PFDN1: variants seen among roughly 807,000 people sequenced by gnomAD.
The protein encoded by PFDN1 is prefoldin subunit 1.
Under a neutral mutation model 17.3 loss-of-function variants are expected in PFDN1, and 6 were observed. The ratio of observed to expected loss-of-function variants is 0.35; its 90% CI spans 0.19 to 0.69. The LOEUF is 0.69. PFDN1 is among the 30% of genes least tolerant of loss of function. PFDN1 has a pLI of 0.65. For synonymous variants in PFDN1, 58 were observed against 50.1 expected (o/e 1.16, Z -0.67); for missense variants, 113 against 146.2 (o/e 0.77, Z 1.17).
chr5:140,286,084 AGTTAGT>A (rs1342457339), intron 2 of PFDN1, among the ~76,000 whole-genome samples: 1 of 152,092 alleles, frequency 6.6e-6, no homozygotes, highest in Admixed American at 6.5e-5. Flanking sequence ...CAATATAGTA[AGTTAGT>A]AAGTAAGTAA....
In PFDN1 at chr5:140,254,857, C is replaced by T. The variant is rs1764963977; in HGVS notation, c.286-8800G>A. On this transcript the variant is annotated intron_variant, in intron 3 of 3. Transcript: ENST00000261813. The surrounding 1 kb of genome is among the most constrained non-coding windows in gnomAD (Gnocchi z 4.4). ...CCTACCCAGCTTTGCTTATATAGTC[C>T]ATCATTTATATTTATTCTCCTTATA... Among the ~76,000 whole-genome samples, 1 of 152,128 alleles carries T rather than the reference C, an allele frequency of 6.6e-6. No homozygotes were observed. Among genetic ancestry groups the T allele is most frequent in the Non-Finnish European group, 1.5e-5 (1 of 68,020 alleles).
rs190368847 is a variant in PFDN1, at chr5:140,270,783, G to A, written c.285+10666C>T. Among the ~76,000 whole-genome samples, 40 of 151,984 alleles carry A rather than the reference G, an allele frequency of 2.6e-4. 1 individual carries two copies. Among genetic ancestry groups the A allele is most frequent in the Middle Eastern group, 3.4e-3 (1 of 294 alleles). The stretch of plus-strand genomic sequence containing the variant: ...TTCTAAAAATACAAAAAAATTAGCC[G>A]GGCGTGGTGGCGGGCGCCTGTAGTC... On this transcript the variant is annotated intron_variant, in intron 3 of 3. Coordinates refer to ENST00000261813, the MANE Select transcript of PFDN1 (RefSeq NM_002622.5).
chr5:140,292,174 C>T (rs915128214), intron 2 of PFDN1, among the ~76,000 whole-genome samples: 1 of 152,120 alleles, frequency 6.6e-6, no homozygotes, highest in Non-Finnish European at 1.5e-5. Flanking sequence ...CTTCATCAAA[C>T]CCCAAACATT....
chr5:140,300,401 A>C lies in PFDN1; in HGVS notation c.200+15T>G. 1 of 1,564,240 alleles carries C rather than the reference A, an allele frequency of 6.4e-7. No homozygotes were observed. The highest frequency in any genetic ancestry group is 8.8e-7 in the Non-Finnish European group (1 of 1,141,366). On this transcript the variant is annotated intron_variant, in intron 2 of 3. Transcript: ENST00000261813. ...CACTCCCAAAATAACTCCATTAAGG[A>C]CACATTTTACTTACATTCTTCCTAC...
At chr5:140,297,979 A>G (rs562013171) in intron 2 of PFDN1, among the ~76,000 whole-genome samples, 1 of 152,340 alleles carries the variant, frequency 6.6e-6, no homozygotes, top group East Asian at 1.9e-4. Flanking sequence ...AGACCTAAGG[A>G]TATTCACATT....
At position 140,254,697 on chromosome 5, in the gene PFDN1, T is replaced by TC. The variant is rs2126679450; in HGVS notation, c.286-8641dup. Among the ~76,000 whole-genome samples, 1 of 152,310 alleles carries TC rather than the reference T, an allele frequency of 6.6e-6. No individual in the cohort carries two copies. Among genetic ancestry groups the TC allele is most frequent in the Non-Finnish European group, 1.5e-5 (1 of 68,024 alleles). On this transcript the variant is annotated intron_variant, in intron 3 of 3. Transcript: ENST00000261813. The surrounding 1 kb of genome is among the most constrained non-coding windows in gnomAD (Gnocchi z 4.4). ...TTGTCAACACTAGAAGCTGCACACC[T>TC]CTGAAGTGTCCATTTCACCACCACT...
Position 140,254,168 on chromosome 5 carries a change from G to A in PFDN1, c.286-8111C>T, listed in dbSNP as rs559265704. Among the ~76,000 whole-genome samples, 6 of 152,318 alleles carry A rather than the reference G, an allele frequency of 3.9e-5. No individual in the cohort carries two copies. In the East Asian group the frequency reaches 1.2e-3, roughly 29 times the overall value. ...TGTGTAAACAAATGGGTGTGGTGCA[G>A]ATGAATGGGCACGGCTATGTTTCGA... On this transcript the variant is annotated intron_variant, in intron 3 of 3. Coordinates refer to ENST00000261813, the MANE Select transcript of PFDN1 (RefSeq NM_002622.5). The surrounding 1 kb of genome is among the most constrained non-coding windows in gnomAD (Gnocchi z 4.4).
chr5:140,265,387 C>T (rs1765121442), intron 3 of PFDN1, among the ~76,000 whole-genome samples: 1 of 152,144 alleles, frequency 6.6e-6, no homozygotes, highest in East Asian at 1.9e-4. Context: ...CCTGTCCCTT[C>T]TCCAGCTATA....
chr5:140,250,175 C>T (rs1046944456), intron 3 of PFDN1, among the ~76,000 whole-genome samples: 1 of 152,184 alleles, frequency 6.6e-6, no homozygotes, highest in African/African-American at 2.4e-5. Context: ...CAACTATTCA[C>T]ACCACAGTAC....
chr5:140,296,423 A>C (rs1302545329), intron 2 of PFDN1, among the ~76,000 whole-genome samples: 1 of 152,152 alleles, frequency 6.6e-6, no homozygotes, highest in Non-Finnish European at 1.5e-5. Flanking sequence ...GACCCATTTA[A>C]ACACACCTAC....
chr5:140,284,567 T>C (rs1581094845), intron 2 of PFDN1, among the ~76,000 whole-genome samples: 2 of 152,352 alleles, frequency 1.3e-5, no homozygotes, highest in Admixed American at 6.5e-5. Context: ...AAATATTATG[T>C]ACACAGTTGC....
intron 3 of PFDN1, among the ~76,000 whole-genome samples, chr5:140,280,017 A>AAAAAAAAAAAAG (rs1561509725): frequency 6.9e-6 from 1 of 145,522 alleles, no homozygotes; most frequent in African/African-American, 2.6e-5. Flanking sequence ...AAAAAAACAA[A>AAAAAAAAAAAAG]AAAAGAAAAG....
chr5:140,302,173 T>C (rs1033115605), intron 1 of PFDN1, among the ~76,000 whole-genome samples: 20 of 152,362 alleles, frequency 1.3e-4, no homozygotes, highest in African/African-American at 4.8e-4. Context: ...CAGAGAATAC[T>C]GGATTCTAGT....
chr5:140,295,260 C>T (rs1489516507), intron 2 of PFDN1, among the ~76,000 whole-genome samples: 1 of 151,968 alleles, frequency 6.6e-6, no homozygotes, highest in Admixed American at 6.6e-5. Context: ...CATTTATATG[C>T]ACTTTCAAAT....
chr5:140,261,077 G>A (rs1024060219), intron 3 of PFDN1, among the ~76,000 whole-genome samples: 18 of 147,922 alleles, frequency 1.2e-4, no homozygotes, highest in African/African-American at 4.3e-4. Flanking sequence ...CAGGTGAATC[G>A]CTTGAACTCA....
At chr5:140,300,133 G>T (rs1441028694) in intron 2 of PFDN1, among the ~76,000 whole-genome samples, 1 of 152,100 alleles carries the variant, frequency 6.6e-6, no homozygotes. Flanking sequence ...TCCACCTCCG[G>T]GGTTCAAGCG....
At chr5:140,255,686 T>G (rs1561494319) in intron 3 of PFDN1, among the ~76,000 whole-genome samples, 1 of 152,118 alleles carries the variant, frequency 6.6e-6, no homozygotes, top group Non-Finnish European at 1.5e-5. Flanking sequence ...ACTTAGACAA[T>G]GATTTCATCC....
At chr5:140,276,620 A>G (rs1353834935) in intron 3 of PFDN1, among the ~76,000 whole-genome samples, 1 of 151,712 alleles carries the variant, frequency 6.6e-6, no homozygotes, top group Non-Finnish European at 1.5e-5. Flanking sequence ...TCTCTACTAA[A>G]AATACAAAAA....
intron 3 of PFDN1, among the ~76,000 whole-genome samples, chr5:140,275,773 G>A (rs775736918): frequency 1.3e-5 from 2 of 151,592 alleles, no homozygotes; most frequent in Non-Finnish European, 2.9e-5. Flanking sequence ...CATGGAAAAG[G>A]TTTGTCCCTC....
Sources: gnomAD v4.1 joint callset for allele counts (sites outside exome capture counted in the v4.1 genomes callset) on GRCh38, gnomAD v4.1.1 for gene constraint, Gnocchi (gnomAD v3.1) non-coding constraint, MANE v1.5 for transcripts, NCBI Gene and HGNC (gene_info 2026-07-23, HGNC 2026-07-21) for gene names.